The following RNF144B variants were observed in gnomAD, a reference collection of about 807,000 sequenced individuals.
The protein encoded by RNF144B is E3 ubiquitin-protein ligase RNF144B.
In RNF144B, 25 loss-of-function variants were observed where a neutral mutation model predicts 40.2. The observed-to-expected ratio is 0.62, with a 90% confidence interval of 0.45 to 0.87. The LOEUF is 0.87. Ranked by LOEUF, RNF144B falls within the 40% of genes least tolerant of loss-of-function variation. The pLI is 0.00. For synonymous variants in RNF144B, 145 were observed against 136.3 expected (o/e 1.06, Z -0.44); for missense variants, 365 against 373.7 (o/e 0.98, Z 0.19).
intron 3 of RNF144B, among the ~76,000 whole-genome samples, chr6:18,430,284 A>G (rs529792295): frequency 1.4e-4 from 22 of 152,348 alleles, no homozygotes; most frequent in African/African-American, 4.8e-4. Flanking sequence ...AAATACTTCC[A>G]TCAGTGCAGA....
chr6:18,468,774 T>C lies in RNF144B; in HGVS notation c.*3707T>C, dbSNP rs910551377. On this transcript the variant is annotated 3_prime_UTR_variant, in exon 8 of 8. Coordinates refer to ENST00000259939, the MANE Select transcript of RNF144B (RefSeq NM_182757.4). ...TTGATTCATGATCCAGGAAGTTTTA[T>C]GTATTTAAAAAATTGCTATCGTGTT... 2 of 152,216 alleles carry C rather than the reference T, an allele frequency of 1.3e-5. No individual in the cohort carries two copies. The highest frequency in any genetic ancestry group is 2.9e-5 in the Non-Finnish European group (2 of 68,044). 9.4% of individuals were successfully genotyped at this position (152,216 alleles called of 1,614,324 possible).
Position 18,418,461 on chromosome 6 carries a change from T to C in RNF144B, c.166-9120T>C, listed in dbSNP as rs1225975440. On this transcript the variant is annotated intron_variant, in intron 2 of 7. Transcript: ENST00000259939. The surrounding 1 kb of genome is among the most constrained non-coding windows in gnomAD (Gnocchi z 5.2). ...GAAAACATTATGCTAAGTGAAGCCATTGACAAAGGACCATATATTGTATCA... is the reference window on the plus strand; with the variant it reads ...GAAAACATTATGCTAAGTGAAGCCACTGACAAAGGACCATATATTGTATCA... 1.3e-5 allele frequency among the ~76,000 whole-genome samples: 2 copies of C among 152,160 alleles called. No individual in the cohort carries two copies. The highest frequency in any genetic ancestry group is 4.8e-5 in the African/African-American group (2 of 41,440).
Position 18,447,581 on chromosome 6 carries a change from G to C in RNF144B, c.331+7837G>C, listed in dbSNP as rs1759111289. Among the ~76,000 whole-genome samples, 1 of 152,106 alleles carries C rather than the reference G, an allele frequency of 6.6e-6. No homozygotes were observed. The highest frequency in any genetic ancestry group is 1.5e-5 in the Non-Finnish European group (1 of 68,018). On this transcript the variant is annotated intron_variant, in intron 4 of 7. Coordinates refer to ENST00000259939, the MANE Select transcript of RNF144B (RefSeq NM_182757.4). This position sits in a 1 kb window ranked among gnomAD's most constrained non-coding sequence, Gnocchi z 5.6. ...TGGCAGCAGGGAGATTTATTAGGAG[G>C]CTGTGGTAGTGATCCAGTCCAAAAC...
In RNF144B at chr6:18,466,715, C is replaced by T. The variant is rs1759577707; in HGVS notation, c.*1648C>T. 1.3e-5 allele frequency: 2 copies of T among 152,590 alleles called. No homozygotes were observed. Among genetic ancestry groups the T allele is most frequent in the African/African-American group, 2.4e-5 (1 of 41,446 alleles). 9.5% of individuals were successfully genotyped at this position (152,590 alleles called of 1,614,324 possible). A position where few individuals can be genotyped will look rare whatever the true frequency, so the allele number is the denominator to read the frequency against. On this transcript the variant is annotated 3_prime_UTR_variant, in exon 8 of 8. Coordinates refer to ENST00000259939, the MANE Select transcript of RNF144B (RefSeq NM_182757.4). ...TGGGTAATAGAATATCAAATTGCTGCTATCTCGGACCTATTGTTAAAGGAT... is the reference window on the plus strand; with the variant it reads ...TGGGTAATAGAATATCAAATTGCTGTTATCTCGGACCTATTGTTAAAGGAT...
chr6:18,448,099 A>T lies in RNF144B; in HGVS notation c.331+8355A>T, dbSNP rs1759123289. On this transcript the variant is annotated intron_variant, in intron 4 of 7. Coordinates refer to ENST00000259939, the MANE Select transcript of RNF144B (RefSeq NM_182757.4). The surrounding 1 kb of genome is among the most constrained non-coding windows in gnomAD (Gnocchi z 4.0). Reference sequence around the variant, plus strand: ...AGAGGGTTCAGGGTACTATGAGAAGAAAAATGGGTGCAGTGAATATATTAA... The same window carrying T: ...AGAGGGTTCAGGGTACTATGAGAAGTAAAATGGGTGCAGTGAATATATTAA... 6.6e-6 allele frequency among the ~76,000 whole-genome samples: 1 copy of T among 152,138 alleles called. No homozygotes were observed. The highest frequency in any genetic ancestry group is 6.6e-5 in the Admixed American group (1 of 15,240).
rs112224529 is a variant in RNF144B at position 18,443,593 on chromosome 6, G to A, written c.331+3849G>A. On this transcript the variant is annotated intron_variant, in intron 4 of 7. Transcript: ENST00000259939. This position sits in a 1 kb window ranked among gnomAD's most constrained non-coding sequence, Gnocchi z 4.7. ...TGATTTTGGAAGGCAATTTGTAATC[G>A]TGTAATTCTTCATTACCATCCGTTA... 9.0e-3 allele frequency among the ~76,000 whole-genome samples: 1,369 copies of A among 151,876 alleles called. 23 individuals carry two copies. The highest frequency in any genetic ancestry group is 0.031 in the African/African-American group (1,276 of 41,414).
rs1156948851 is a variant in RNF144B at position 18,412,512 on chromosome 6, G to A, written c.165+12813G>A. Among the ~76,000 whole-genome samples the A allele has an allele frequency of 6.6e-6, 1 of 151,966 alleles. No individual in the cohort carries two copies. The highest frequency in any genetic ancestry group is 2.4e-5 in the African/African-American group (1 of 41,370). On this transcript the variant is annotated intron_variant, in intron 2 of 7. Coordinates refer to ENST00000259939, the MANE Select transcript of RNF144B (RefSeq NM_182757.4). The surrounding 1 kb of genome is among the most constrained non-coding windows in gnomAD (Gnocchi z 4.2). ...TATATTACACATAGAAGACATGAAT[G>A]AATGAAAAAATGGTGGTGTTCAGAC...
Position 18,437,376 on chromosome 6 carries a change from C to T in RNF144B, c.271-2308C>T, listed in dbSNP as rs74325754. On this transcript the variant is annotated intron_variant, in intron 3 of 7. Coordinates refer to ENST00000259939, the MANE Select transcript of RNF144B (RefSeq NM_182757.4). ...ATTGCTTGAGCCCGGGAGTTTAAGG[C>T]TACCTGAGCTATGATTGTACCACTG... 1.6e-3 allele frequency among the ~76,000 whole-genome samples: 243 copies of T among 152,064 alleles called. 1 individual carries two copies. The East Asian group carries it at 0.023, about 15-fold the overall frequency.
chr6:18,440,797 T>TTTG (rs1758943807), intron 4 of RNF144B, among the ~76,000 whole-genome samples: 1 of 147,354 alleles, frequency 6.8e-6, no homozygotes, highest in East Asian at 1.9e-4. Flanking sequence ...TTTGTGGTGT[T>TTTG]TTTTTTTTTT....
intron 1 of RNF144B, among the ~76,000 whole-genome samples, chr6:18,394,487 A>G (rs2113455015): frequency 6.6e-6 from 1 of 152,112 alleles, no homozygotes; most frequent in South Asian, 2.1e-4. Flanking sequence ...AATCCCATCT[A>G]CTTGGAACGC....
In RNF144B at chr6:18,416,583, G is replaced by A. The variant is rs1795152718; in HGVS notation, c.166-10998G>A. ...ATTTAATCTCCCATATTGAATGACT[G>A]TCCTCAAACTTACAAGGTGGATCTT... is the stretch of plus-strand genomic sequence containing the variant. On this transcript the variant is annotated intron_variant, in intron 2 of 7. Coordinates refer to ENST00000259939, the MANE Select transcript of RNF144B (RefSeq NM_182757.4). The surrounding 1 kb of genome is among the most constrained non-coding windows in gnomAD (Gnocchi z 5.5). 6.6e-6 allele frequency among the ~76,000 whole-genome samples: 1 copy of A among 152,188 alleles called. No individual in the cohort carries two copies. The highest frequency in any genetic ancestry group is 2.4e-5 in the African/African-American group (1 of 41,460).
At chr6:18,413,624 G>A (rs751952748) in intron 2 of RNF144B, among the ~76,000 whole-genome samples, 1 of 152,212 alleles carries the variant, frequency 6.6e-6, no homozygotes, top group South Asian at 2.1e-4. Context: ...AAGGTTCAAG[G>A]CCAGGCATTC....
intron 2 of RNF144B, among the ~76,000 whole-genome samples, chr6:18,413,528 C>G (rs1283129149): frequency 1.3e-5 from 2 of 152,270 alleles, no homozygotes; most frequent in East Asian, 3.9e-4. Flanking sequence ...TTGAGGAAAC[C>G]AAGGCCGAGA....
intron 2 of RNF144B, among the ~76,000 whole-genome samples, chr6:18,411,729 G>A (rs1036001231): frequency 6.6e-6 from 1 of 151,044 alleles, no homozygotes; most frequent in African/African-American, 2.4e-5. Context: ...CCTGACCTCA[G>A]GTGATCTGTC....
chr6:18,389,001 C>CA (rs762817779), intron 1 of RNF144B, among the ~76,000 whole-genome samples: 5 of 151,808 alleles, frequency 3.3e-5, no homozygotes, highest in Non-Finnish European at 7.4e-5. Context: ...AAAACTCAAC[C>CA]AAAAAAACCC....
In RNF144B at chr6:18,450,991, G is replaced by C. The variant is rs544253145; in HGVS notation, c.332-6164G>C. ...CCCCCTGTTTTTAGAGTTGATTAAA[G>C]GGGAAACTACATTTGGATATTTGGA... On this transcript the variant is annotated intron_variant, in intron 4 of 7. Coordinates refer to ENST00000259939, the MANE Select transcript of RNF144B (RefSeq NM_182757.4). This position sits in a 1 kb window ranked among gnomAD's most constrained non-coding sequence, Gnocchi z 4.7. 5.3e-5 allele frequency among the ~76,000 whole-genome samples: 8 copies of C among 152,224 alleles called. No homozygotes were observed. In the South Asian group the frequency reaches 1.7e-3, roughly 32 times the overall value.
Position 18,463,424 on chromosome 6 carries a change from A to G in RNF144B, c.771+44A>G, listed in dbSNP as rs775724624. ...GAGCGTGACATAAACCAAAATCGTG[A>G]TGGCTTAAAGAGCCCACCTCTTCGC... On this transcript the variant is annotated intron_variant, in intron 7 of 7. Transcript: ENST00000259939. 3 of 1,175,314 alleles carry G rather than the reference A, an allele frequency of 2.6e-6. No homozygotes were observed. The East Asian group carries it at 7.0e-5, about 27-fold the overall frequency. The allele number at this position is 1,175,314 out of a possible 1,614,324, so 72.8% of individuals were successfully genotyped here.
At chr6:18,462,135 T>A (rs1759469299) in intron 6 of RNF144B, among the ~76,000 whole-genome samples, 1 of 152,168 alleles carries the variant, frequency 6.6e-6, no homozygotes, top group South Asian at 2.1e-4. Flanking sequence ...TTCTTTTCCT[T>A]ACTACCCCTC....
intron 3 of RNF144B, among the ~76,000 whole-genome samples, chr6:18,431,976 A>G (rs1015718067): frequency 1.3e-5 from 2 of 152,176 alleles, no homozygotes; most frequent in Non-Finnish European, 2.9e-5. Context: ...CTCAGTGTCC[A>G]TGGGTTCTGC....
Sources: allele counts gnomAD v4.1 joint callset (sites outside exome capture counted in the v4.1 genomes callset), GRCh38; gene constraint gnomAD v4.1.1; non-coding constraint Gnocchi (gnomAD v3.1); transcripts MANE v1.5; gene names NCBI Gene and HGNC (gene_info 2026-07-23, HGNC 2026-07-21).